The following TBC1D5 variants were observed in gnomAD, a reference collection of about 807,000 sequenced individuals.
TBC1D5 encodes the protein TBC1 domain family member 5.
A neutral mutation model predicts 100.3 loss-of-function variants in TBC1D5; 75 were observed. The ratio of observed to expected loss-of-function variants is 0.75; its 90% CI spans 0.62 to 0.91. The LOEUF (loss-of-function observed/expected upper bound fraction) is 0.91, where lower values mean the gene tolerates loss of function less well. Among genes scored for constraint, TBC1D5 ranks in the 40% least tolerant of loss-of-function variants. The pLI is 0.00. For synonymous variants in TBC1D5, 323 were observed against 325.6 expected, an observed-to-expected ratio of 0.99 and a Z score of 0.09; for missense variants, 910 against 942.4, an observed-to-expected ratio of 0.97 and a Z score of 0.45.
intron 1 of TBC1D5, among the ~76,000 whole-genome samples, chr3:17,673,845 T>A (rs1440518018): frequency 6.6e-6 from 1 of 152,182 alleles, no homozygotes; most frequent in Non-Finnish European, 1.5e-5. Flanking sequence ...CAAGTCAAGT[T>A]CTCAGGAGAT....
At chr3:17,320,292 A>C (rs772553285) in intron 13 of TBC1D5, among the ~76,000 whole-genome samples, 16 of 152,232 alleles carry the variant, frequency 1.1e-4, no homozygotes, top group Non-Finnish European at 2.2e-4. Context: ...CAGCAGCATC[A>C]GCATCACATG....
intron 3 of TBC1D5, among the ~76,000 whole-genome samples, chr3:17,434,858 C>G (rs569927978): frequency 2.0e-5 from 3 of 152,244 alleles, no homozygotes; most frequent in South Asian, 4.1e-4. Context: ...ATTTTCCAAA[C>G]TTTTATACTC....
chr3:17,592,929 T>TG (rs2060325008), intron 2 of TBC1D5, among the ~76,000 whole-genome samples: 2 of 152,228 alleles, frequency 1.3e-5, no homozygotes, highest in Non-Finnish European at 2.9e-5. Context: ...CAAGTCACCA[T>TG]GCTACCTGAA....
intron 2 of TBC1D5, among the ~76,000 whole-genome samples, chr3:17,600,446 A>G (rs142089294): frequency 0.017 from 2,519 of 152,268 alleles, 53 homozygotes; most frequent in South Asian, 0.048. Context: ...ATTTTTTGCT[A>G]CTAAGGATAA....
At chr3:17,719,114 T>G (rs2075479724) in intron 1 of TBC1D5, among the ~76,000 whole-genome samples, 1 of 152,182 alleles carries the variant, frequency 6.6e-6, no homozygotes, top group Admixed American at 6.5e-5. Context: ...CTGCAATAAT[T>G]TATAGTTTCT....
chr3:17,552,194 A>G (rs547577428), intron 2 of TBC1D5, among the ~76,000 whole-genome samples: 20 of 150,292 alleles, frequency 1.3e-4, no homozygotes, highest in Admixed American at 2.0e-4. Flanking sequence ...TTAAGAGAGA[A>G]AAAAAAAAAG....
At chr3:17,387,155 G>C (rs112075897) in intron 8 of TBC1D5, among the ~76,000 whole-genome samples, 3 of 152,202 alleles carry the variant, frequency 2.0e-5, no homozygotes, top group African/African-American at 7.2e-5. Flanking sequence ...GAAAAGCTCT[G>C]AAAAAGAAGT....
chr3:17,349,586 G>A (rs2090314147), intron 13 of TBC1D5, among the ~76,000 whole-genome samples: 1 of 152,164 alleles, frequency 6.6e-6, no homozygotes, highest in Non-Finnish European at 1.5e-5. Context: ...CTGTTTGACT[G>A]ATGTATAGCA....
intron 15 of TBC1D5, among the ~76,000 whole-genome samples, chr3:17,275,890 GCTT>G (rs2079946067): frequency 6.6e-6 from 1 of 152,118 alleles, no homozygotes; most frequent in Non-Finnish European, 1.5e-5. Context: ...CTTCCCATCT[GCTT>G]CTACCTGATA....
At chr3:17,228,907 A>T (rs745389467) in intron 17 of TBC1D5, among the ~76,000 whole-genome samples, 6 of 152,162 alleles carry the variant, frequency 3.9e-5, no homozygotes, top group Non-Finnish European at 8.8e-5. Context: ...CCTGACTGCA[A>T]AATGGCTGAG....
At chr3:17,203,149 C>T (rs1188409337) in intron 18 of TBC1D5, among the ~76,000 whole-genome samples, 2 of 152,210 alleles carry the variant, frequency 1.3e-5, no homozygotes, top group Admixed American at 6.5e-5. Context: ...TGGAAGCCCA[C>T]CCCTTGCATG....
exon 1 of TBC1D5, chr3:17,739,748 T>C (rs1007952896): frequency 1.3e-5 from 2 of 152,362 alleles, no homozygotes; most frequent in African/African-American, 4.8e-5. Flanking sequence ...ATCACGTCTG[T>C]AATCCCAGCA....
chr3:17,565,688 C>T (rs985273563), intron 2 of TBC1D5, among the ~76,000 whole-genome samples: 1 of 151,996 alleles, frequency 6.6e-6, no homozygotes, highest in African/African-American at 2.4e-5. Flanking sequence ...TCTCCTCATT[C>T]CTTTATAAAG....
At chr3:17,432,800 T>C (rs1183086143) in intron 3 of TBC1D5, among the ~76,000 whole-genome samples, 2 of 152,188 alleles carry the variant, frequency 1.3e-5, no homozygotes, top group Admixed American at 6.5e-5. Context: ...AAACCTTTCA[T>C]AGAATTCTTA....
intron 13 of TBC1D5, among the ~76,000 whole-genome samples, chr3:17,313,334 G>C (rs1443003379): frequency 6.6e-6 from 1 of 152,178 alleles, no homozygotes; most frequent in Admixed American, 6.5e-5. Context: ...ACGTGCAGTT[G>C]TTGGACACGT....
chr3:17,167,088 T>A (rs1451808777), intron 20 of TBC1D5, among the ~76,000 whole-genome samples, 160 bp from the exon 22 acceptor site: 3 of 152,106 alleles, frequency 2.0e-5, no homozygotes, highest in African/African-American at 7.2e-5. Flanking sequence ...GAGAAAAAAA[T>A]CTAATTTTAT....
chr3:17,554,756 A>C (rs1156464739), intron 2 of TBC1D5, among the ~76,000 whole-genome samples: 1 of 152,112 alleles, frequency 6.6e-6, no homozygotes, highest in Admixed American at 6.5e-5. Context: ...TTTCTCCCTA[A>C]AATCTTTCCA....
At chr3:17,715,729 G>A (rs929127212) in intron 1 of TBC1D5, among the ~76,000 whole-genome samples, 14 of 151,978 alleles carry the variant, frequency 9.2e-5, no homozygotes, top group African/African-American at 2.2e-4. Context: ...TTGAGCCCAC[G>A]AGTTTGAAAT....
At chr3:17,554,594 A>C (rs979611631) in intron 2 of TBC1D5, among the ~76,000 whole-genome samples, 1 of 152,190 alleles carries the variant, frequency 6.6e-6, no homozygotes, top group Non-Finnish European at 1.5e-5. Flanking sequence ...AAAACCAACA[A>C]AGGTTACTGA....
Sources: allele counts gnomAD v4.1 joint callset (sites outside exome capture counted in the v4.1 genomes callset), GRCh38; gene constraint gnomAD v4.1.1; transcripts MANE v1.5; gene names NCBI Gene and HGNC (gene_info 2026-07-23, HGNC 2026-07-21).